RP1L1: variants seen among roughly 807,000 people sequenced by gnomAD.
RP1L1 encodes RP1 like 1.
Under a neutral mutation model 15.7 loss-of-function variants are expected in RP1L1, and 27 were observed. The observed-to-expected ratio is 1.72, with a 90% CI of 1.27 to 2.38. The LOEUF (loss-of-function observed/expected upper bound fraction) is 2.38. Among genes scored for constraint, RP1L1 ranks in the 30% most tolerant of loss-of-function variants. The pLI is 0.00. For synonymous variants in RP1L1, 1,813 were observed against 1,276.7 expected, an observed-to-expected ratio of 1.42 and a Z score of -8.96; for missense variants, 4,798 against 3,075.9, an observed-to-expected ratio of 1.56 and a Z score of -13.24.
chr8:10,631,973 G>C (rs1247770142), intron 1 of RP1L1, among the ~76,000 whole-genome samples: 1 of 152,240 alleles, frequency 6.6e-6, no homozygotes, highest in African/African-American at 2.4e-5. Flanking sequence ...CCCAGGAACA[G>C]AGCAGCTCAT....
chr8:10,628,771 C>G (rs533793287), intron 1 of RP1L1, among the ~76,000 whole-genome samples: 1 of 152,146 alleles, frequency 6.6e-6, no homozygotes, highest in Non-Finnish European at 1.5e-5. Context: ...CTGGAAGAAA[C>G]CTGATATTGA....
rs73662876 is a variant in RP1L1, at chr8:10,611,926, C to T, written c.2172G>A (p.Ser724=). 3.5e-3 allele frequency: 5,623 copies of T among 1,613,842 alleles called. 160 individuals are homozygous for T. In the African/African-American group the frequency reaches 0.06, roughly 17 times the overall value. The part of the protein sequence containing the change: ...QASGNLRPPS[S]GSLPSQDLLG... ...GAAGGTCCTGGGAAGGAAGAGAGCC[C>T]GAGGAGGGAGGTCTCAGGTTCCCAG... Residue 724 remains serine (S), a synonymous_variant, in exon 4 of 4, where the codon TCG becomes TCA. Coordinates refer to ENST00000382483, the MANE Select transcript of RP1L1 (RefSeq NM_178857.6).
intron 2 of RP1L1, among the ~76,000 whole-genome samples, chr8:10,619,831 G>A (rs1283460980): frequency 1.3e-5 from 2 of 151,866 alleles, no homozygotes; most frequent in Admixed American, 1.3e-4. Flanking sequence ...ATGGTGGCAG[G>A]CGCCTGTAGT....
chr8:10,627,290 A>T (rs372949361), intron 1 of RP1L1, among the ~76,000 whole-genome samples: 1 of 152,242 alleles, frequency 6.6e-6, no homozygotes, highest in East Asian at 1.9e-4. Flanking sequence ...AACAAAGGAG[A>T]CTTACTCAAC....
At chr8:10,625,814 C>A (rs1798147761) in intron 1 of RP1L1, among the ~76,000 whole-genome samples, 1 of 152,080 alleles carries the variant, frequency 6.6e-6, no homozygotes, top group African/African-American at 2.4e-5. Flanking sequence ...AGGGATCCAC[C>A]CCTGGGGCTG....
chr8:10,609,584 G>T lies in RP1L1; in HGVS notation c.4514C>A (p.Ser1505Ter). 6.2e-7 allele frequency: 1 copy of T among 1,604,204 alleles called. No individual in the cohort carries two copies. The highest frequency in any genetic ancestry group is 8.5e-7 in the Non-Finnish European group (1 of 1,177,940). The change falls in exon 4 of 4, where the codon TCG becomes TAG. Residue 1505 changes from serine (S) to a stop codon, truncating the protein, a stop_gained. Coordinates refer to ENST00000382483, the MANE Select transcript of RP1L1 (RefSeq NM_178857.6). LOFTEE classifies it low-confidence loss of function (END_TRUNC). ...PTQGAAERSS[S>*]VACSAALDCD... is the part of the protein sequence containing the mutation. The stretch of plus-strand genomic sequence containing the variant: ...GTCCAGAGCCGCGCTGCAGGCCACC[G>T]AAGAGCTCCTCTCTGCAGCCCCCTG...
intron 3 of RP1L1, 97 bp downstream of exon 3, chr8:10,616,349 G>C: frequency 1.3e-6 from 2 of 1,518,060 alleles, no homozygotes; most frequent in Non-Finnish European, 1.8e-6. Flanking sequence ...TGGGGCCAAA[G>C]GGAAGTTTCC....
chr8:10,618,857 T>TG (rs1798014250), intron 2 of RP1L1, among the ~76,000 whole-genome samples: 1 of 151,998 alleles, frequency 6.6e-6, no homozygotes, highest in African/African-American at 2.4e-5. Context: ...TTTTCGTGTT[T>TG]TTTTGTTTGT....
At chr8:10,642,052 T>C (rs1324068544) in intron 1 of RP1L1, among the ~76,000 whole-genome samples, 1 of 152,158 alleles carries the variant, frequency 6.6e-6, no homozygotes, top group Non-Finnish European at 1.5e-5. Context: ...GGTGATATTG[T>C]ACTATAGTTT....
chr8:10,622,876 G>A lies in RP1L1; in HGVS notation c.326C>T (p.Pro109Leu), dbSNP rs761018819. The change falls in exon 2 of 4, where the codon CCC (proline) becomes CTC (leucine). Residue 109 changes from proline to leucine, a missense_variant. Physicochemically the swap from Pro to Leu is moderately conservative, Grantham distance 98 (BLOSUM62 -3). Coordinates refer to ENST00000382483, the MANE Select transcript of RP1L1 (RefSeq NM_178857.6). ...GCCTGGTCCACTGGGGGTCTTGGGG[G>A]GCTTCTTATCAGAGCAGAGGTAGCA... ...GGCYLCSDKKPPKTPSGPGRP... is the reference protein window; with the variant it reads ...GGCYLCSDKKLPKTPSGPGRP... 15 of 1,612,822 alleles carry A rather than the reference G, an allele frequency of 9.3e-6. No homozygotes were observed. Among genetic ancestry groups the A allele is most frequent in the Middle Eastern group, 1.6e-4 (1 of 6,078 alleles).
intron 1 of RP1L1, among the ~76,000 whole-genome samples, chr8:10,638,932 G>A (rs965815088): frequency 2.6e-5 from 4 of 151,974 alleles, no homozygotes; most frequent in Admixed American, 6.6e-5. Context: ...ATCACTTGAG[G>A]CCATGAGTTC....
chr8:10,648,316 G>A lies in RP1L1; in HGVS notation c.-20+6582C>T, dbSNP rs192676761. ...CAAAGTACTGGGATTACAGGTGTGA[G>A]CCACCGCACCTGGCCAATTTTCTGG... On this transcript the variant is annotated intron_variant, in intron 1 of 3. Transcript: ENST00000382483. Among the ~76,000 whole-genome samples the A allele has an allele frequency of 7.5e-3, 1,141 of 152,268 alleles. 9 individuals carry two copies. The highest frequency in any genetic ancestry group is 0.034 in the Middle Eastern group (10 of 294).
At chr8:10,642,254 CT>C (rs139076088) in intron 1 of RP1L1, among the ~76,000 whole-genome samples, 1 of 152,050 alleles carries the variant, frequency 6.6e-6, no homozygotes, top group Non-Finnish European at 1.5e-5. Flanking sequence ...ATCTACTCTT[CT>C]TTTTTTCTTA....
At chr8:10,618,965 G>C (rs1798016170) in intron 2 of RP1L1, among the ~76,000 whole-genome samples, 1 of 152,140 alleles carries the variant, frequency 6.6e-6, no homozygotes, top group South Asian at 2.1e-4. Context: ...CCACCTCCCA[G>C]GTTCAAGCAA....
Position 10,615,888 on chromosome 8 carries a change from T to C in RP1L1, c.751+558A>G, listed in dbSNP as rs371647415. ...GATTCTAGAAACTTTAAATTCAAGA[T>C]CTCTTAATCCCTGTTCCATTTATTT... is the stretch of plus-strand genomic sequence containing the variant. On this transcript the variant is annotated intron_variant, in intron 3 of 3. Coordinates refer to ENST00000382483, the MANE Select transcript of RP1L1 (RefSeq NM_178857.6). 2.6e-4 allele frequency among the ~76,000 whole-genome samples: 39 copies of C among 152,182 alleles called. No individual in the cohort carries two copies. The South Asian group carries it at 8.1e-3, about 32-fold the overall frequency.
At chr8:10,618,597 T>A (rs966061310) in intron 2 of RP1L1, among the ~76,000 whole-genome samples, 1 of 151,988 alleles carries the variant, frequency 6.6e-6, no homozygotes, top group African/African-American at 2.4e-5. Context: ...GAGGCTGAGA[T>A]GGGAGGATCA....
Position 10,612,958 on chromosome 8 carries a change from C to A in RP1L1, c.1140G>T (p.Gly380=). 6.2e-7 allele frequency: 1 copy of A among 1,613,164 alleles called. No homozygotes were observed. The highest frequency in any genetic ancestry group is 1.7e-5 in the Admixed American group (1 of 60,028). The change falls in exon 4 of 4, where the codon GGG becomes GGT. Residue 380 remains glycine, a synonymous_variant. Coordinates refer to ENST00000382483, the MANE Select transcript of RP1L1 (RefSeq NM_178857.6). Reference sequence around the variant, plus strand: ...CCCTGCAGGGCCGGGGTCCCCACACCCCAGGCTCTGAGAAGCCCCAAGGGT... The same window carrying A: ...CCCTGCAGGGCCGGGGTCCCCACACACCAGGCTCTGAGAAGCCCCAAGGGT... ...EGYPWGFSEP[G]VWGPRPCRVG...
At chr8:10,627,311 T>C (rs1216256550) in intron 1 of RP1L1, among the ~76,000 whole-genome samples, 1 of 152,018 alleles carries the variant, frequency 6.6e-6, no homozygotes, top group Non-Finnish European at 1.5e-5. Flanking sequence ...CTTAAAAAGG[T>C]AGGAAAATCT....
chr8:10,653,870 TG>T (rs1232567174), intron 1 of RP1L1, among the ~76,000 whole-genome samples: 1 of 152,198 alleles, frequency 6.6e-6, no homozygotes, highest in Non-Finnish European at 1.5e-5. Flanking sequence ...GATGCATTTC[TG>T]GGCTGTGCAC....
Sources: allele counts gnomAD v4.1 joint callset (sites outside exome capture counted in the v4.1 genomes callset), GRCh38; gene constraint gnomAD v4.1.1; transcripts MANE v1.5; gene names NCBI Gene and HGNC (gene_info 2026-07-23, HGNC 2026-07-21).